Variants in EVC2 observed in about 807,000 individuals in gnomAD.
EVC2 encodes the protein EvC ciliary complex subunit 2, also known as limbin.
EVC2 carries 148 observed loss-of-function variants against 149.3 expected under a neutral mutation model. The ratio of observed to expected loss-of-function variants is 0.99; its 90% confidence interval spans 0.87 to 1.14. The LOEUF is 1.14. Among genes scored for constraint, EVC2 ranks in the 50% most tolerant of loss-of-function variants. The pLI, the probability that EVC2 is intolerant of heterozygous loss-of-function variation, is 0.00. For synonymous variants in EVC2, 776 were observed against 649.9 expected, an observed-to-expected ratio of 1.19 and a Z score of -2.95; for missense variants, 1,854 against 1,627.3, an observed-to-expected ratio of 1.14 and a Z score of -2.40.
At chr4:5,594,794 C>A (rs1329231617) in intron 16 of EVC2, among the ~76,000 whole-genome samples, 3 of 152,102 alleles carry the variant, frequency 2.0e-5, no homozygotes, top group Non-Finnish European at 4.4e-5. Flanking sequence ...GAAATTCAAA[C>A]TGAAGGCAAA....
intron 21 of EVC2, among the ~76,000 whole-genome samples, chr4:5,556,943 C>T (rs1205660495): frequency 6.6e-6 from 1 of 151,998 alleles, no homozygotes; most frequent in African/African-American, 2.4e-5. Context: ...TGGTACCCTT[C>T]CAAGAAAAGA....
intron 16 of EVC2, among the ~76,000 whole-genome samples, chr4:5,588,668 A>G (rs1712512307): frequency 6.6e-6 from 1 of 151,840 alleles, no homozygotes; most frequent in Non-Finnish European, 1.5e-5. Flanking sequence ...ACACATGTGT[A>G]TGTGTGTGTG....
At chr4:5,603,536 G>C (rs960919307) in intron 16 of EVC2, among the ~76,000 whole-genome samples, 2 of 152,230 alleles carry the variant, frequency 1.3e-5, no homozygotes. Flanking sequence ...TCTGAAGTCA[G>C]AGAGAGTGAA....
chr4:5,536,870 A>G, the EVC2 span, among the ~76,000 whole-genome samples: 1 of 152,196 alleles, frequency 6.6e-6, no homozygotes, highest in South Asian at 2.1e-4. Flanking sequence ...CCCTGGAGAA[A>G]AATAAGCTAA....
At chr4:5,664,248 TA>T (rs1407010136) in intron 8 of EVC2, among the ~76,000 whole-genome samples, 1 of 152,150 alleles carries the variant, frequency 6.6e-6, no homozygotes, top group African/African-American at 2.4e-5. Flanking sequence ...GGTTGATTTT[TA>T]ACCCCAATCC....
the EVC2 span, among the ~76,000 whole-genome samples, chr4:5,534,490 A>T: frequency 2.0e-5 from 3 of 152,352 alleles, no homozygotes; most frequent in African/African-American, 4.8e-5. Flanking sequence ...CCTTCCTCAC[A>T]GCAGCGGGAA....
In EVC2 at chr4:5,622,725, G is replaced by A. The variant is rs1454414171; in HGVS notation, c.2313C>T (p.Leu771=). ...GCTCCTCCAGGATCTGCTGCAGGAA[G>A]AGCCAGGGCACCCCACGCTTGAGCA... ...QELLKRGVPW[L]FLQQILEEHG... The change falls in exon 14 of 22, where the codon CTC becomes CTT. Residue 771 remains leucine (L), a synonymous_variant. Transcript: ENST00000344408. This position sits in a 1 kb window ranked among gnomAD's most constrained non-coding sequence, Gnocchi z 5.8. 6.2e-7 allele frequency: 1 copy of A among 1,614,154 alleles called. No homozygotes were observed. Among genetic ancestry groups the A allele is most frequent in the African/African-American group, 1.3e-5 (1 of 75,034 alleles).
In EVC2 at chr4:5,640,725, A is replaced by G. The variant is rs758401132; in HGVS notation, c.1259T>C (p.Leu420Pro). ...LLKNLTSSGH[L>P]SPQVERKMSA... ...CATTTTTCTCTCTACTTGGGGTGAG[A>G]GGTGGCCACTGCTGGTGAGATTTTT... is the stretch of plus-strand genomic sequence containing the variant. Residue 420 changes from leucine to proline, a missense_variant, in exon 10 of 22, where the codon CTC becomes CCC. Coordinates refer to ENST00000344408, the MANE Select transcript of EVC2 (RefSeq NM_147127.5). The surrounding 1 kb of genome is among the most constrained non-coding windows in gnomAD (Gnocchi z 4.6). 12 of 1,613,952 alleles carry G rather than the reference A, an allele frequency of 7.4e-6. No homozygotes were observed. The East Asian group carries it at 2.5e-4, about 33-fold the overall frequency.
At chr4:5,568,421 G>C in intron 20 of EVC2, 23 bp downstream of exon 20, 1 of 1,539,688 alleles carries the variant, frequency 6.5e-7, no homozygotes, top group Non-Finnish European at 8.7e-7. Flanking sequence ...TGCCCCGGGA[G>C]GCAGCCCCTC....
chr4:5,586,054 G>A (rs770213345), intron 16 of EVC2, among the ~76,000 whole-genome samples: 9 of 151,954 alleles, frequency 5.9e-5, no homozygotes, highest in Non-Finnish European at 1.2e-4. Context: ...TAGAGATGGG[G>A]TTTCACCATG....
intron 17 of EVC2, among the ~76,000 whole-genome samples, chr4:5,578,254 C>T (rs991638531): frequency 1.3e-5 from 2 of 152,078 alleles, no homozygotes; most frequent in African/African-American, 4.8e-5. Flanking sequence ...GCAGTCAGCA[C>T]AGTGCATAGC....
downstream of EVC2, among the ~76,000 whole-genome samples, chr4:5,557,724 G>A (rs1014589494): frequency 6.6e-6 from 1 of 152,042 alleles, no homozygotes; most frequent in African/African-American, 2.4e-5. Flanking sequence ...AAGGTTGCAG[G>A]ATACAAGGTT....
rs530212671 is a variant in EVC2 at position 5,636,226 on chromosome 4, A to G, written c.1471-4194T>C. Among the ~76,000 whole-genome samples, 1 of 152,292 alleles carries G rather than the reference A, an allele frequency of 6.6e-6. No individual in the cohort carries two copies. Among genetic ancestry groups the G allele is most frequent in the African/African-American group, 2.4e-5 (1 of 41,572 alleles). ...CCCCAGCAACCTGCCTTCTGTGCCTATATCCCCCAATACTCTCCCCAAGGT... is the reference window on the plus strand; with the variant it reads ...CCCCAGCAACCTGCCTTCTGTGCCTGTATCCCCCAATACTCTCCCCAAGGT... On this transcript the variant is annotated intron_variant, in intron 10 of 21. Transcript: ENST00000344408. The surrounding 1 kb of genome is among the most constrained non-coding windows in gnomAD (Gnocchi z 4.6).
rs1192594003 is a variant in EVC2, at chr4:5,576,700, C to T, written c.3058-246G>A. Among the ~76,000 whole-genome samples, 1 of 152,210 alleles carries T rather than the reference C, an allele frequency of 6.6e-6. No individual in the cohort carries two copies. Among genetic ancestry groups the T allele is most frequent in the Non-Finnish European group, 1.5e-5 (1 of 68,036 alleles). On this transcript the variant is annotated intron_variant, in intron 17 of 21. Coordinates refer to ENST00000344408, the MANE Select transcript of EVC2 (RefSeq NM_147127.5). This position sits in a 1 kb window ranked among gnomAD's most constrained non-coding sequence, Gnocchi z 4.5. Reference sequence around the variant, plus strand: ...GCCTTTCTCTGTCTGCCTGACCAATCCCCAGTCTTCTTTCACCCCTCCGCT... The same window carrying T: ...GCCTTTCTCTGTCTGCCTGACCAATTCCCAGTCTTCTTTCACCCCTCCGCT...
chr4:5,698,814 C>G (rs995195099), intron 1 of EVC2, among the ~76,000 whole-genome samples: 11 of 152,222 alleles, frequency 7.2e-5, no homozygotes, highest in Admixed American at 5.9e-4. Flanking sequence ...CGGCTGGTTT[C>G]TGTGTAATGG....
chr4:5,689,096 C>T, intron 5 of EVC2, 61 bp downstream of exon 5: 5 of 1,584,480 alleles, frequency 3.2e-6, no homozygotes, highest in Non-Finnish European at 4.3e-6. Context: ...ACACATTCAC[C>T]TGGAAGTATC....
At chr4:5,584,335 C>T (rs558512325) in intron 17 of EVC2, among the ~76,000 whole-genome samples, 3 of 152,252 alleles carry the variant, frequency 2.0e-5, no homozygotes, top group South Asian at 2.1e-4. Flanking sequence ...CACTGTTGTC[C>T]TCCCTAGCAC....
At chr4:5,687,775 C>T (rs945264894) in intron 5 of EVC2, among the ~76,000 whole-genome samples, 10 of 151,994 alleles carry the variant, frequency 6.6e-5, no homozygotes, top group African/African-American at 2.2e-4. Flanking sequence ...GAAAGGTCTG[C>T]GGGGAAATGA....
chr4:5,601,447 A>G (rs1216048985), intron 16 of EVC2, among the ~76,000 whole-genome samples: 1 of 152,134 alleles, frequency 6.6e-6, no homozygotes, highest in Non-Finnish European at 1.5e-5. Flanking sequence ...GAAAAACTCA[A>G]TTAAAGGCTT....
Sources: allele counts gnomAD v4.1 joint callset (sites outside exome capture counted in the v4.1 genomes callset), GRCh38; gene constraint gnomAD v4.1.1; non-coding constraint Gnocchi (gnomAD v3.1); transcripts MANE v1.5; gene names NCBI Gene and HGNC (gene_info 2026-07-23, HGNC 2026-07-21).